PBX3: variants seen among roughly 807,000 people sequenced by gnomAD.
The protein encoded by PBX3 is PBX homeobox 3.
PBX3 carries 14 observed loss-of-function variants against 48.5 expected under a neutral mutation model. The ratio of observed to expected loss-of-function variants is 0.29; its 90% CI spans 0.19 to 0.45. The LOEUF (loss-of-function observed/expected upper bound fraction) is 0.45, where lower values mean the gene tolerates loss of function less well. Ranked by LOEUF, PBX3 falls within the 20% of genes least tolerant of loss-of-function variation. The probability of loss-of-function intolerance (pLI) is 1.00; values close to 1 mark genes in which losing one functional copy is unlikely to be tolerated. For missense variants in PBX3, 386 were observed against 546.7 expected (o/e 0.71, Z 2.93); for synonymous variants, 210 against 200.3 (o/e 1.05, Z -0.41).
chr9:125,965,300 C>T (rs1842507582), intron 8 of PBX3, among the ~76,000 whole-genome samples: 1 of 152,180 alleles, frequency 6.6e-6, no homozygotes, highest in Non-Finnish European at 1.5e-5. Flanking sequence ...GTGTGCTGCT[C>T]TGCGGCTCAT....
At chr9:125,786,756 G>A (rs1191097422) in intron 2 of PBX3, among the ~76,000 whole-genome samples, 3 of 149,916 alleles carry the variant, frequency 2.0e-5, no homozygotes, top group Non-Finnish European at 4.4e-5. Flanking sequence ...ATGGAGTTTC[G>A]CTCTGTCACC....
chr9:125,766,196 C>T (rs1836796756), intron 2 of PBX3, among the ~76,000 whole-genome samples: 1 of 151,958 alleles, frequency 6.6e-6, no homozygotes, highest in Admixed American at 6.6e-5. Context: ...AGATATATAT[C>T]TGCTGAGTAC....
At chr9:125,872,862 A>G (rs1388401691) in intron 2 of PBX3, among the ~76,000 whole-genome samples, 2 of 151,594 alleles carry the variant, frequency 1.3e-5, no homozygotes, top group East Asian at 3.9e-4. Context: ...TAACAATACT[A>G]GATACGTAGG....
At chr9:125,798,822 G>A (rs1458843360) in intron 2 of PBX3, among the ~76,000 whole-genome samples, 1 of 151,926 alleles carries the variant, frequency 6.6e-6, no homozygotes, top group East Asian at 1.9e-4. Context: ...CCCTTCTAAT[G>A]AAATTACTTT....
intron 2 of PBX3, among the ~76,000 whole-genome samples, chr9:125,802,089 T>C (rs1008986366): frequency 1.3e-5 from 2 of 152,130 alleles, no homozygotes; most frequent in Non-Finnish European, 2.9e-5. Flanking sequence ...GCAAAACTTA[T>C]TTTTATTCCT....
chr9:125,925,028 A>G (rs182683712), intron 3 of PBX3, among the ~76,000 whole-genome samples: 3 of 152,300 alleles, frequency 2.0e-5, no homozygotes, highest in East Asian at 3.9e-4. Context: ...TCCTCCTTCA[A>G]TGTGCAAATA....
chr9:125,917,969 A>C (rs1048798765), intron 3 of PBX3, among the ~76,000 whole-genome samples: 3 of 152,218 alleles, frequency 2.0e-5, no homozygotes, highest in African/African-American at 7.2e-5. Flanking sequence ...AGAGTAAACA[A>C]AATAAGTCAT....
chr9:125,913,525 G>A (rs1841253888), intron 2 of PBX3, among the ~76,000 whole-genome samples: 1 of 152,000 alleles, frequency 6.6e-6, no homozygotes, highest in East Asian at 1.9e-4. Context: ...AATTAGTTTT[G>A]TGCCTTTTGC....
intron 2 of PBX3, among the ~76,000 whole-genome samples, chr9:125,793,251 C>T (rs891767353): frequency 3.1e-4 from 47 of 149,766 alleles, no homozygotes; most frequent in African/African-American, 1.2e-3. Context: ...ACTCGGGATG[C>T]TGAGGCGGGA....
intron 2 of PBX3, among the ~76,000 whole-genome samples, chr9:125,835,433 T>C (rs111457521): frequency 5.7e-4 from 86 of 152,018 alleles, no homozygotes; most frequent in African/African-American, 2.0e-3. Context: ...AGAGACCACC[T>C]ACAGAATGGG....
intron 2 of PBX3, among the ~76,000 whole-genome samples, chr9:125,900,480 C>T (rs997394794): frequency 6.6e-6 from 1 of 151,374 alleles, no homozygotes; most frequent in Non-Finnish European, 1.5e-5. Flanking sequence ...AAAATCAGGC[C>T]GCAATATTCT....
intron 2 of PBX3, among the ~76,000 whole-genome samples, chr9:125,888,121 T>C (rs941652709): frequency 2.7e-4 from 41 of 152,126 alleles, no homozygotes; most frequent in African/African-American, 9.9e-4. Context: ...GTAAAAGAAA[T>C]GTTACCTCTG....
intron 5 of PBX3, among the ~76,000 whole-genome samples, chr9:125,937,237 G>A (rs1041358670): frequency 1.5e-4 from 23 of 152,174 alleles, no homozygotes; most frequent in African/African-American, 5.5e-4. Flanking sequence ...TGTGTGTAGT[G>A]TAGAGTGTGC....
chr9:125,835,716 T>C (rs1029591457), intron 2 of PBX3, among the ~76,000 whole-genome samples: 11 of 152,140 alleles, frequency 7.2e-5, no homozygotes, highest in Admixed American at 2.0e-4. Flanking sequence ...AAACATAACA[T>C]GCTGGCAAGG....
intron 2 of PBX3, among the ~76,000 whole-genome samples, chr9:125,867,039 A>T (rs1839998684): frequency 6.6e-6 from 1 of 152,142 alleles, no homozygotes; most frequent in Non-Finnish European, 1.5e-5. Flanking sequence ...GGGTCTTGTG[A>T]CATCTGTTAG....
intron 2 of PBX3, among the ~76,000 whole-genome samples, chr9:125,884,145 T>G (rs1840445377): frequency 6.6e-6 from 1 of 152,208 alleles, no homozygotes; most frequent in Non-Finnish European, 1.5e-5. Context: ...GGGGGCTGTG[T>G]GAATGTGCCA....
At chr9:125,962,894 T>C (rs1464102363) in intron 7 of PBX3, 118 bp from the exon 8 acceptor site, 1 of 456,498 alleles carries the variant, frequency 2.2e-6, no homozygotes, top group African/African-American at 2.0e-5. Context: ...TTGATAAATT[T>C]GTCTTTCATT....
chr9:125,916,955 TTTCATAGAG>T (rs1427754721), intron 3 of PBX3, among the ~76,000 whole-genome samples: 4 of 152,172 alleles, frequency 2.6e-5, no homozygotes, highest in Non-Finnish European at 4.4e-5. Context: ...AATATGGTAA[TTTCATAGAG>T]TTCAACCCCA....
chr9:125,924,493 G>C (rs1472482929), intron 3 of PBX3, among the ~76,000 whole-genome samples: 1 of 152,132 alleles, frequency 6.6e-6, no homozygotes, highest in Non-Finnish European at 1.5e-5. Flanking sequence ...GTTTTGTAAA[G>C]GTATGTTGCA....
Sources: gnomAD v4.1 joint callset for allele counts (sites outside exome capture counted in the v4.1 genomes callset) on GRCh38, gnomAD v4.1.1 for gene constraint, MANE v1.5 for transcripts, NCBI Gene and HGNC (gene_info 2026-07-23, HGNC 2026-07-21) for gene names.